LSAMP: variants seen among roughly 807,000 people sequenced by gnomAD.
The protein encoded by LSAMP is limbic system associated membrane protein.
A neutral mutation model predicts 38.6 loss-of-function variants in LSAMP; 7 were observed. The ratio of observed to expected loss-of-function variants is 0.18; its 90% confidence interval spans 0.10 to 0.34. LSAMP has a LOEUF of 0.34. Among genes scored for constraint, LSAMP ranks in the 10% least tolerant of loss-of-function variants. The probability of loss-of-function intolerance (pLI) is 1.00; values close to 1 mark genes in which losing one functional copy is unlikely to be tolerated. For synonymous variants in LSAMP, 154 were observed against 166.8 expected (o/e 0.92, Z 0.59); for missense variants, 313 against 420.0 (o/e 0.75, Z 2.23).
At chr3:115,869,291 AGAGAGAGAGAGACTGACT>A (rs1356560212) in intron 3 of LSAMP, among the ~76,000 whole-genome samples, 7 of 151,876 alleles carry the variant, frequency 4.6e-5, no homozygotes, top group Non-Finnish European at 5.9e-5. Context: ...AGAGAGAGAG[AGAGAGAGAGAGACTGACT>A]GAGAGAGAGA....
intron 1 of LSAMP, among the ~76,000 whole-genome samples, chr3:116,253,566 A>G (rs2046712778): frequency 6.6e-6 from 1 of 152,178 alleles, no homozygotes. Context: ...GTTAAGCATA[A>G]TAAACCTTAA....
chr3:116,072,633 A>G (rs1476148290), intron 2 of LSAMP, among the ~76,000 whole-genome samples: 1 of 150,684 alleles, frequency 6.6e-6, no homozygotes. Flanking sequence ...TTTGATTTGT[A>G]TTTATCTAAT....
chr3:116,321,366 C>G (rs1022457147), intron 1 of LSAMP, among the ~76,000 whole-genome samples: 1 of 152,036 alleles, frequency 6.6e-6, no homozygotes, highest in African/African-American at 2.4e-5. Context: ...GAGTGAAGGT[C>G]TGCCTCAAAA....
intron 1 of LSAMP, among the ~76,000 whole-genome samples, chr3:116,286,633 A>G (rs926714421): frequency 2.0e-5 from 3 of 152,086 alleles, no homozygotes; most frequent in East Asian, 1.9e-4. Context: ...CATCTATCTG[A>G]CTACGGCTCA....
chr3:116,348,344 A>G (rs941822535), intron 1 of LSAMP, among the ~76,000 whole-genome samples: 6 of 152,150 alleles, frequency 3.9e-5, no homozygotes, highest in African/African-American at 1.4e-4. Context: ...GAGTAAGTGA[A>G]TAAGGAACCC....
At chr3:116,332,783 G>C (rs1379431644) in intron 1 of LSAMP, among the ~76,000 whole-genome samples, 1 of 152,018 alleles carries the variant, frequency 6.6e-6, no homozygotes, top group Non-Finnish European at 1.5e-5. Context: ...TAGGTTGAAA[G>C]TGAAAGAATA....
At chr3:116,436,687 TG>T (rs2049354230) in intron 1 of LSAMP, among the ~76,000 whole-genome samples, 1 of 152,150 alleles carries the variant, frequency 6.6e-6, no homozygotes, top group Non-Finnish European at 1.5e-5. Flanking sequence ...CAATAGACGC[TG>T]GCATGGATGC....
At chr3:116,415,507 T>C (rs1034312901) in intron 1 of LSAMP, among the ~76,000 whole-genome samples, 12 of 152,096 alleles carry the variant, frequency 7.9e-5, no homozygotes, top group African/African-American at 2.9e-4. Context: ...CTTTTCAACA[T>C]GCATAACAAA....
At chr3:116,311,717 A>T (rs1293096299) in intron 1 of LSAMP, among the ~76,000 whole-genome samples, 2 of 152,180 alleles carry the variant, frequency 1.3e-5, no homozygotes, top group Non-Finnish European at 2.9e-5. Flanking sequence ...TACATAACTT[A>T]AGGGTTTGTT....
Position 115,833,794 on chromosome 3 carries a change from C to G in LSAMP, c.919+8051G>C, listed in dbSNP as rs1233615974. ...GGTCTTTGAGTCTATTTGCAAATCA[C>G]TTTTCTGGAATTTAATTTCAATGGT... is the stretch of plus-strand genomic sequence containing the variant. On this transcript the variant is annotated intron_variant, in intron 6 of 6. Transcript: ENST00000490035. Among the ~76,000 whole-genome samples the G allele has an allele frequency of 2.6e-5, 4 of 152,002 alleles. No homozygotes were observed. The East Asian group carries it at 7.7e-4, about 29-fold the overall frequency.
At chr3:115,981,361 G>A (rs938717063) in intron 3 of LSAMP, among the ~76,000 whole-genome samples, 3 of 151,784 alleles carry the variant, frequency 2.0e-5, no homozygotes, top group African/African-American at 7.3e-5. Flanking sequence ...AACAGGTGTT[G>A]TGAATTCCTT....
intron 3 of LSAMP, among the ~76,000 whole-genome samples, chr3:115,980,675 G>C (rs565586948): frequency 6.6e-6 from 1 of 152,108 alleles, no homozygotes; most frequent in East Asian, 1.9e-4. Flanking sequence ...CCTGTACTGA[G>C]TCTTTTGAGA....
intron 4 of LSAMP, 26 bp downstream of exon 4, chr3:115,852,457 C>A (rs1213962784): frequency 6.3e-7 from 1 of 1,591,262 alleles, no homozygotes; most frequent in South Asian, 1.2e-5. Context: ...GGGCACCTAG[C>A]ACCTGCTGGC....
chr3:116,061,996 T>C (rs1261738704), intron 2 of LSAMP, among the ~76,000 whole-genome samples: 1 of 152,242 alleles, frequency 6.6e-6, no homozygotes, highest in African/African-American at 2.4e-5. Context: ...AACATTTTTT[T>C]CCTGAGGAAT....
intron 2 of LSAMP, among the ~76,000 whole-genome samples, chr3:116,052,816 T>C (rs1348348036): frequency 6.6e-6 from 1 of 152,192 alleles, no homozygotes; most frequent in East Asian, 1.9e-4. Context: ...CACATCTCAT[T>C]GCTTAGTTGG....
chr3:115,921,608 C>T (rs1056825014), intron 3 of LSAMP, among the ~76,000 whole-genome samples: 2 of 151,936 alleles, frequency 1.3e-5, no homozygotes, highest in African/African-American at 4.8e-5. Context: ...TTACAGTATT[C>T]TGTATTTATT....
intron 1 of LSAMP, among the ~76,000 whole-genome samples, chr3:116,203,364 C>T (rs545915837): frequency 2.4e-4 from 36 of 147,964 alleles, no homozygotes; most frequent in Non-Finnish European, 3.6e-4. Context: ...ATTTTTTATA[C>T]GTACATTTTC....
chr3:115,972,400 C>T (rs148981885), intron 3 of LSAMP, among the ~76,000 whole-genome samples: 148 of 151,752 alleles, frequency 9.8e-4, no homozygotes, highest in Middle Eastern at 3.4e-3. Flanking sequence ...CAATAAACTA[C>T]GACTAAGAAA....
chr3:116,273,709 C>T (rs55826809), intron 1 of LSAMP, among the ~76,000 whole-genome samples: 59,570 of 73,848 alleles, frequency 0.81, 24,379 homozygotes, highest in Non-Finnish European at 0.87. Context: ...TATATATATA[C>T]ACACACACAC....
Sources: allele counts gnomAD v4.1 joint callset (sites outside exome capture counted in the v4.1 genomes callset), GRCh38; gene constraint gnomAD v4.1.1; transcripts MANE v1.5; gene names NCBI Gene and HGNC (gene_info 2026-07-23, HGNC 2026-07-21).